CADM1: variants seen among roughly 807,000 people sequenced by gnomAD.
CADM1 encodes the protein TSLC-1.
A neutral mutation model predicts 53.1 loss-of-function variants in CADM1; 15 were observed. The ratio of observed to expected loss-of-function variants is 0.28; its 90% CI spans 0.19 to 0.44. CADM1 has a LOEUF of 0.44. CADM1 is among the 20% of genes least tolerant of loss of function. CADM1 has a pLI of 1.00. For missense variants in CADM1, 434 were observed against 611.3 expected, an observed-to-expected ratio of 0.71 and a Z score of 3.06; for synonymous variants, 281 against 243.0, an observed-to-expected ratio of 1.16 and a Z score of -1.45.
intron 1 of CADM1, among the ~76,000 whole-genome samples, chr11:115,344,477 C>T (rs1464936960): frequency 6.6e-6 from 1 of 152,156 alleles, no homozygotes; most frequent in Non-Finnish European, 1.5e-5. Flanking sequence ...AACATCTGCA[C>T]AGAAAAGGTG....
At chr11:115,195,562 C>T (rs2134664513) in intron 9 of CADM1, among the ~76,000 whole-genome samples, 1 of 152,200 alleles carries the variant, frequency 6.6e-6, no homozygotes, top group South Asian at 2.1e-4. Flanking sequence ...ATTTCTAGGC[C>T]CAGATCACCA....
intron 10 of CADM1, among the ~76,000 whole-genome samples, chr11:115,186,747 C>G (rs1939574197): frequency 6.6e-6 from 1 of 152,204 alleles, no homozygotes; most frequent in African/African-American, 2.4e-5. Context: ...AATGGCCTTC[C>G]CTGGTAAACT....
chr11:115,492,492 G>C (rs1041227212), intron 1 of CADM1, among the ~76,000 whole-genome samples: 1 of 152,114 alleles, frequency 6.6e-6, no homozygotes, highest in Non-Finnish European at 1.5e-5. Flanking sequence ...GATCCTAACT[G>C]TATACCTATT....
chr11:115,235,156 C>T (rs1213677256), intron 3 of CADM1, among the ~76,000 whole-genome samples: 1 of 148,310 alleles, frequency 6.7e-6, no homozygotes, highest in Non-Finnish European at 1.5e-5. Context: ...TGTTACAAAG[C>T]TGACTTTGCT....
At chr11:115,191,791 T>C (rs1395474237) in intron 9 of CADM1, among the ~76,000 whole-genome samples, 1 of 152,256 alleles carries the variant, frequency 6.6e-6, no homozygotes, top group Non-Finnish European at 1.5e-5. Flanking sequence ...AGACATTCAA[T>C]GTGGCTTTAC....
chr11:115,357,146 C>T (rs1945895112), intron 1 of CADM1, among the ~76,000 whole-genome samples: 2 of 152,232 alleles, frequency 1.3e-5, no homozygotes, highest in Admixed American at 1.3e-4. Flanking sequence ...CAATGTCCCT[C>T]GGGCCTTTCA....
chr11:115,227,929 T>C (rs1332749986), intron 5 of CADM1, among the ~76,000 whole-genome samples: 1 of 152,238 alleles, frequency 6.6e-6, no homozygotes, highest in Non-Finnish European at 1.5e-5. Flanking sequence ...TCTGTGACTG[T>C]AGCTGAATTT....
intron 1 of CADM1, among the ~76,000 whole-genome samples, chr11:115,452,192 A>G (rs1229374548): frequency 2.0e-5 from 3 of 151,948 alleles, no homozygotes; most frequent in African/African-American, 7.3e-5. Context: ...AATCATCCAC[A>G]AAGACAAGCT....
At chr11:115,199,231 T>C (rs10891807) in intron 8 of CADM1, among the ~76,000 whole-genome samples, 15,790 of 152,198 alleles carry the variant, frequency 0.1, 1,128 homozygotes, top group East Asian at 0.38. Context: ...TCTAATCATA[T>C]GACATTCCAA....
At chr11:115,350,434 A>G (rs1945699354) in intron 1 of CADM1, among the ~76,000 whole-genome samples, 1 of 152,008 alleles carries the variant, frequency 6.6e-6, no homozygotes, top group African/African-American at 2.4e-5. Context: ...AAAGCCAGGG[A>G]GAGAGGAGGT....
chr11:115,311,506 T>A (rs1944531777), intron 1 of CADM1, among the ~76,000 whole-genome samples: 1 of 151,510 alleles, frequency 6.6e-6, no homozygotes, highest in Non-Finnish European at 1.5e-5. Context: ...AGACCGTGGG[T>A]TTCATATCCC....
chr11:115,483,384 G>A (rs993537702), intron 1 of CADM1, among the ~76,000 whole-genome samples: 3 of 152,030 alleles, frequency 2.0e-5, no homozygotes, highest in African/African-American at 2.4e-5. Context: ...ATTGGCATAC[G>A]GCAGTAGAGT....
chr11:115,191,325 G>A (rs540807990), intron 9 of CADM1, among the ~76,000 whole-genome samples: 15 of 152,006 alleles, frequency 9.9e-5, no homozygotes, highest in Non-Finnish European at 1.6e-4. Flanking sequence ...ATTTTATTTC[G>A]CATTTTACTG....
intron 1 of CADM1, among the ~76,000 whole-genome samples, chr11:115,347,017 A>C (rs1021726658): frequency 4.6e-5 from 7 of 152,218 alleles, no homozygotes; most frequent in African/African-American, 1.4e-4. Flanking sequence ...TAGAGTACCT[A>C]AACTAAATAA....
intron 1 of CADM1, among the ~76,000 whole-genome samples, chr11:115,390,670 TAAA>T (rs750873925): frequency 1.8e-5 from 2 of 111,088 alleles, no homozygotes; most frequent in Admixed American, 9.5e-5. Flanking sequence ...AGGCTACTCT[TAAA>T]AAAAAAAAAA....
At chr11:115,412,939 C>G (rs973791303) in intron 1 of CADM1, among the ~76,000 whole-genome samples, 2 of 152,180 alleles carry the variant, frequency 1.3e-5, no homozygotes, top group African/African-American at 4.8e-5. Flanking sequence ...CACCATCACT[C>G]CTAAAACCTG....
chr11:115,293,267 C>A (rs934220079), intron 1 of CADM1, among the ~76,000 whole-genome samples: 1 of 152,076 alleles, frequency 6.6e-6, no homozygotes, highest in African/African-American at 2.4e-5. Flanking sequence ...CCCGTCTCTA[C>A]TAAAAAACAC....
intron 5 of CADM1, among the ~76,000 whole-genome samples, chr11:115,222,858 G>A (rs2134806027): frequency 6.6e-6 from 1 of 152,310 alleles, no homozygotes; most frequent in South Asian, 2.1e-4. Context: ...ATTCTTCCAT[G>A]TCTTGGAAGC....
chr11:115,419,687 G>A (rs1947705299), intron 1 of CADM1, among the ~76,000 whole-genome samples: 1 of 152,092 alleles, frequency 6.6e-6, no homozygotes, highest in Non-Finnish European at 1.5e-5. Context: ...ACCCGAAAAT[G>A]AGCCCCTGAG....
Sources: gnomAD v4.1 joint callset for allele counts (sites outside exome capture counted in the v4.1 genomes callset) on GRCh38, gnomAD v4.1.1 for gene constraint, MANE v1.5 for transcripts, NCBI Gene and HGNC (gene_info 2026-07-23, HGNC 2026-07-21) for gene names.